The following DUS2 variants were observed in gnomAD, a reference collection of about 807,000 sequenced individuals.
DUS2 encodes tRNA-dihydrouridine(20) synthase [NAD(P)+]-like.
A neutral mutation model predicts 71.3 loss-of-function variants in DUS2; 52 were observed. The observed-to-expected ratio is 0.73, with a 90% CI of 0.58 to 0.92. The LOEUF (loss-of-function observed/expected upper bound fraction) is 0.92. DUS2 is among the 40% of genes least tolerant of loss of function. DUS2 has a pLI of 0.00. For missense variants in DUS2, 558 were observed against 622.6 expected, an observed-to-expected ratio of 0.90 and a Z score of 1.10; for synonymous variants, 204 against 227.8, an observed-to-expected ratio of 0.90 and a Z score of 0.94.
intron 7 of DUS2, among the ~76,000 whole-genome samples, chr16:68,057,048 T>A (rs1436792211): frequency 2.3e-5 from 3 of 129,424 alleles, no homozygotes; most frequent in East Asian, 2.1e-4. Flanking sequence ...TAATATATAT[T>A]TATATATATA....
chr16:68,069,487 A>T (rs2034054514), intron 10 of DUS2, among the ~76,000 whole-genome samples: 1 of 152,230 alleles, frequency 6.6e-6, no homozygotes, highest in East Asian at 1.9e-4. Flanking sequence ...GTTGCTGAGC[A>T]CAGCTCAGGT....
At chr16:68,053,232 A>G (rs1204871973) in intron 4 of DUS2, among the ~76,000 whole-genome samples, 1 of 152,208 alleles carries the variant, frequency 6.6e-6, no homozygotes, top group African/African-American at 2.4e-5. Context: ...AGGTGCTGGG[A>G]TTACAGGCGT....
Position 68,038,074 on chromosome 16 carries a change from C to T in DUS2, c.51C>T (p.Ala17=), listed in dbSNP as rs2151413504. Residue 17 remains alanine (A), a synonymous_variant, in exon 3 of 17, where the codon GCC becomes GCT. Transcript: ENST00000565263. ...GTTACCATAATAAGCTAATCCTGGCCCCAATGGTTCGGGTAGGGACTCTTC... is the reference window on the plus strand; with the variant it reads ...GTTACCATAATAAGCTAATCCTGGCTCCAATGGTTCGGGTAGGGACTCTTC... ...SLCYHNKLIL[A]PMVRVGTLPM... The T allele has an allele frequency of 2.5e-6, 4 of 1,613,832 alleles. No homozygotes were observed. The East Asian group carries it at 8.9e-5, about 36-fold the overall frequency.
intron 14 of DUS2, 82 bp downstream of exon 14, chr16:68,075,586 G>A (rs549718330): frequency 1.5e-6 from 2 of 1,377,450 alleles, no homozygotes; most frequent in Non-Finnish European, 9.7e-7. Context: ...GCTGCTGTAT[G>A]TGCTTAATGT....
chr16:68,036,266 A>T (rs1395439475), intron 2 of DUS2, among the ~76,000 whole-genome samples: 3 of 150,952 alleles, frequency 2.0e-5, no homozygotes, highest in Non-Finnish European at 2.9e-5. Flanking sequence ...GGTTCAAGAG[A>T]TTCTTTGCCT....
At chr16:68,038,330 C>T (rs1325576283) in intron 3 of DUS2, among the ~76,000 whole-genome samples, 181 bp downstream of exon 3, 3 of 152,116 alleles carry the variant, frequency 2.0e-5, no homozygotes, top group African/African-American at 4.8e-5. Flanking sequence ...CTGCCAAGGT[C>T]CAGGAGCCTG....
intron 10 of DUS2, among the ~76,000 whole-genome samples, chr16:68,068,119 C>T (rs1488095243): frequency 6.6e-6 from 1 of 152,210 alleles, no homozygotes; most frequent in Admixed American, 6.5e-5. Context: ...TTCCCTGTGT[C>T]CAGGATGTGA....
At chr16:68,052,817 A>G (rs1188067751) in intron 4 of DUS2, among the ~76,000 whole-genome samples, 1 of 151,348 alleles carries the variant, frequency 6.6e-6, no homozygotes, top group Non-Finnish European at 1.5e-5. Context: ...TAATTTTTGT[A>G]TTTTTAGTAG....
intron 3 of DUS2, among the ~76,000 whole-genome samples, chr16:68,049,002 C>G (rs2033741948): frequency 6.6e-6 from 1 of 152,144 alleles, no homozygotes; most frequent in Admixed American, 6.6e-5. Flanking sequence ...TTCATTTCCA[C>G]ATAGTGTGAC....
rs1282571797 is a variant in DUS2, at chr16:68,066,328, T to C, written c.429T>C (p.Thr143=). 2.5e-6 allele frequency: 4 copies of C among 1,614,074 alleles called. No individual in the cohort carries two copies. Among genetic ancestry groups the C allele is most frequent in the Middle Eastern group, 1.6e-4 (1 of 6,084 alleles). Residue 143 remains threonine (T), a synonymous_variant, in exon 9 of 17, where the codon ACT becomes ACC. Coordinates refer to ENST00000565263, the MANE Select transcript of DUS2 (RefSeq NM_017803.5). ...DPDKIEKILS[T]LVKGTRRPVT... ...TTTCCTTTCTGCAGATCCTCAGCACTCTTGTTAAAGGGACACGCAGACCTG... is the reference window on the plus strand; with the variant it reads ...TTTCCTTTCTGCAGATCCTCAGCACCCTTGTTAAAGGGACACGCAGACCTG...
intron 10 of DUS2, among the ~76,000 whole-genome samples, chr16:68,068,428 G>A (rs1436515838): frequency 6.6e-6 from 1 of 152,154 alleles, no homozygotes; most frequent in African/African-American, 2.4e-5. Flanking sequence ...CTTGTTAGCT[G>A]TATATCCTTG....
In DUS2 at chr16:68,038,032, G is replaced by A; in HGVS notation, c.9G>A (p.Leu3=). 6.2e-7 allele frequency: 1 copy of A among 1,613,056 alleles called. No homozygotes were observed. Among genetic ancestry groups the A allele is most frequent in the Non-Finnish European group, 8.5e-7 (1 of 1,179,532 alleles). The part of the protein sequence containing the change: MI[L]NSLSLCYHNK... ...CTGTAACAGAGGAGGAAATGATTTT[G>A]AATAGCCTCTCTCTGTGTTACCATA... The change falls in exon 3 of 17, where the codon TTG becomes TTA. Residue 3 remains leucine (L), a synonymous_variant. Transcript: ENST00000565263.
At chr16:68,057,334 C>T (rs1189936659) in intron 7 of DUS2, among the ~76,000 whole-genome samples, 2 of 147,578 alleles carry the variant, frequency 1.4e-5, no homozygotes, top group Non-Finnish European at 3.0e-5. Context: ...ATAGAGGGGA[C>T]AGGGCTGTGT....
At chr16:68,078,186 G>T in intron 15 of DUS2, 1 of 511,846 alleles carries the variant, frequency 2.0e-6, no homozygotes, top group Non-Finnish European at 3.5e-6. Flanking sequence ...ATGTCAGCAG[G>T]AGGCTCCATA....
intron 1 of DUS2, among the ~76,000 whole-genome samples, chr16:68,024,654 T>C (rs753532118): frequency 6.6e-6 from 1 of 152,038 alleles, no homozygotes; most frequent in African/African-American, 2.4e-5. Context: ...TTCTGGAGAG[T>C]TACCAGATAA....
chr16:68,043,093 T>A (rs2033654713), intron 3 of DUS2, among the ~76,000 whole-genome samples: 1 of 150,780 alleles, frequency 6.6e-6, no homozygotes, highest in East Asian at 2.0e-4. Context: ...CCTCAAGTGA[T>A]CCCCTCACCT....
intron 2 of DUS2, among the ~76,000 whole-genome samples, chr16:68,026,045 C>A (rs971664350): frequency 1.3e-5 from 2 of 152,194 alleles, no homozygotes; most frequent in African/African-American, 4.8e-5. Context: ...GGCTAGACTT[C>A]AGTGGTGCCA....
At chr16:68,040,750 C>T (rs1486948735) in intron 3 of DUS2, among the ~76,000 whole-genome samples, 1 of 151,688 alleles carries the variant, frequency 6.6e-6, no homozygotes, top group Non-Finnish European at 1.5e-5. Context: ...GTGGTGTCAG[C>T]GCCCCCTGGT....
In DUS2 at chr16:68,049,526, A is replaced by G; in HGVS notation, c.148A>G (p.Ile50Val). Reference sequence around the variant, plus strand: ...GCAGGAGCTGATCGACCTCAAGATGATTCAGTGCAAGAGAGTTGTTAATGG... The same window carrying G: ...GCAGGAGCTGATCGACCTCAAGATGGTTCAGTGCAAGAGAGTTGTTAATGG... Reference protein sequence around the residue: ...YCEELIDLKMIQCKRVVNEVL... With the variant: ...YCEELIDLKMVQCKRVVNEVL... Residue 50 changes from isoleucine (I) to valine (V), a missense_variant, in exon 4 of 17, where the codon ATT becomes GTT. Transcript: ENST00000565263. 6.2e-7 allele frequency: 1 copy of G among 1,614,188 alleles called. No individual in the cohort carries two copies. Among genetic ancestry groups the G allele is most frequent in the East Asian group, 2.2e-5 (1 of 44,890 alleles).
Sources: allele counts gnomAD v4.1 joint callset (sites outside exome capture counted in the v4.1 genomes callset), GRCh38; gene constraint gnomAD v4.1.1; transcripts MANE v1.5; gene names NCBI Gene and HGNC (gene_info 2026-07-23, HGNC 2026-07-21).